Variants in PLA2G4A observed in about 807,000 individuals in gnomAD.
PLA2G4A encodes cytosolic phospholipase A2.
In PLA2G4A, 40 loss-of-function variants were observed where a neutral mutation model predicts 81.9. That is an observed-to-expected ratio of 0.49 (90% CI 0.38 to 0.64). PLA2G4A has a LOEUF of 0.64. Ranked by LOEUF, PLA2G4A falls within the 30% of genes least tolerant of loss-of-function variation. PLA2G4A has a pLI of 0.00. For missense variants in PLA2G4A, 715 were observed against 905.1 expected, an observed-to-expected ratio of 0.79 and a Z score of 2.69; for synonymous variants, 302 against 296.9, an observed-to-expected ratio of 1.02 and a Z score of -0.18.
intron 1 of PLA2G4A, among the ~76,000 whole-genome samples, chr1:186,833,848 G>C (rs2101994831): frequency 1.3e-5 from 2 of 152,274 alleles, no homozygotes; most frequent in African/African-American, 4.8e-5. Flanking sequence ...AATGAGCTTA[G>C]AGAAACTCAG....
chr1:186,883,394 C>T (rs753269907), intron 3 of PLA2G4A, among the ~76,000 whole-genome samples: 11 of 152,064 alleles, frequency 7.2e-5, no homozygotes. Context: ...GCCATTTAAA[C>T]CTTGAAGATA....
In PLA2G4A at chr1:186,950,727, A is replaced by C; in HGVS notation, c.1335A>C (p.Lys445Asn). 6.3e-7 allele frequency: 1 copy of C among 1,576,126 alleles called. No individual in the cohort carries two copies. Among genetic ancestry groups the C allele is most frequent in the Non-Finnish European group, 8.7e-7 (1 of 1,145,702 alleles). Residue 445 changes from lysine to asparagine, a missense_variant and splice_region_variant, in exon 13 of 18, where the codon AAA (lysine) becomes AAC (asparagine). Physicochemically the swap from Lys to Asn is moderately conservative, Grantham distance 94. Coordinates refer to ENST00000367466, the MANE Select transcript of PLA2G4A (RefSeq NM_024420.3). ...SDSDDESHEP[K>N]GTENEDAGSD... ...GTGATGATGAATCACACGAACCCAAAGGTGAGTGAGCCGGAAACTTTTCTG... is the reference window on the plus strand; with the variant it reads ...GTGATGATGAATCACACGAACCCAACGGTGAGTGAGCCGGAAACTTTTCTG...
At chr1:186,834,726 C>T (rs1023400065) in intron 1 of PLA2G4A, among the ~76,000 whole-genome samples, 1 of 151,974 alleles carries the variant, frequency 6.6e-6, no homozygotes, top group African/African-American at 2.4e-5. Flanking sequence ...ACAAAATAAA[C>T]ACATTTCATG....
chr1:186,977,692 G>A lies in PLA2G4A; in HGVS notation c.1864G>A (p.Val622Ile), dbSNP rs775466404. 6.2e-7 allele frequency: 1 copy of A among 1,613,082 alleles called. No homozygotes were observed. Among genetic ancestry groups the A allele is most frequent in the South Asian group, 1.1e-5 (1 of 91,056 alleles). The change falls in exon 16 of 18, where the codon GTC becomes ATC. Residue 622 changes from valine to isoleucine, a missense_variant. Physicochemically the swap from Val to Ile is conservative, Grantham distance 29. Coordinates refer to ENST00000367466, the MANE Select transcript of PLA2G4A (RefSeq NM_024420.3). ...FDREGLKECYVFKPKNPDMEK... is the reference protein window; with the variant it reads ...FDREGLKECYIFKPKNPDMEK... ...TCGGGAAGGGCTGAAGGAGTGCTATGTCTTTAAACCCAAGAATCCTGATAT... is the reference window on the plus strand; with the variant it reads ...TCGGGAAGGGCTGAAGGAGTGCTATATCTTTAAACCCAAGAATCCTGATAT...
At chr1:186,843,493 G>A (rs1305350489) in intron 1 of PLA2G4A, among the ~76,000 whole-genome samples, 1 of 152,220 alleles carries the variant, frequency 6.6e-6, no homozygotes, top group Non-Finnish European at 1.5e-5. Context: ...AATACAGGGA[G>A]AAGACAGAAC....
intron 12 of PLA2G4A, among the ~76,000 whole-genome samples, chr1:186,949,165 T>A (rs1432163723): frequency 6.6e-6 from 1 of 151,988 alleles, no homozygotes; most frequent in Non-Finnish European, 1.5e-5. Context: ...TCAGAATAGT[T>A]AGCTATTCAT....
chr1:186,973,952 G>A (rs1284743402), intron 15 of PLA2G4A, among the ~76,000 whole-genome samples: 7 of 151,960 alleles, frequency 4.6e-5, no homozygotes, highest in Non-Finnish European at 8.8e-5. Context: ...TTTATGTAAT[G>A]AGAAACATTG....
chr1:186,835,987 AC>A (rs1425586131), intron 1 of PLA2G4A, among the ~76,000 whole-genome samples: 7 of 152,014 alleles, frequency 4.6e-5, no homozygotes, highest in African/African-American at 1.7e-4. Flanking sequence ...TTTCCCTCTC[AC>A]CTTTATTACT....
chr1:186,928,743 G>A (rs1379028340), intron 7 of PLA2G4A, among the ~76,000 whole-genome samples: 1 of 152,172 alleles, frequency 6.6e-6, no homozygotes, highest in African/African-American at 2.4e-5. Context: ...TCTTTTGAAA[G>A]GGAGGCAATT....
At chr1:186,858,787 A>G (rs1322416177) in intron 2 of PLA2G4A, among the ~76,000 whole-genome samples, 1 of 152,122 alleles carries the variant, frequency 6.6e-6, no homozygotes, top group African/African-American at 2.4e-5. Flanking sequence ...CTCCAACATC[A>G]GGCTTAGACA....
chr1:186,844,513 T>A (rs931334459), intron 1 of PLA2G4A, among the ~76,000 whole-genome samples: 2 of 152,188 alleles, frequency 1.3e-5, no homozygotes, highest in African/African-American at 2.4e-5. Context: ...TCCAAATGTG[T>A]TCTACTTTTA....
At chr1:186,893,606 T>A (rs1306383770) in intron 4 of PLA2G4A, among the ~76,000 whole-genome samples, 5 of 151,888 alleles carry the variant, frequency 3.3e-5, no homozygotes, top group Non-Finnish European at 7.4e-5. Flanking sequence ...ATGTGAAAAA[T>A]TATTATCTTA....
At chr1:186,884,674 C>T (rs530005307) in intron 3 of PLA2G4A, among the ~76,000 whole-genome samples, 10 of 151,940 alleles carry the variant, frequency 6.6e-5, no homozygotes, top group African/African-American at 2.2e-4. Context: ...CCCAGGAGTT[C>T]GAGACCAGGC....
intron 2 of PLA2G4A, among the ~76,000 whole-genome samples, chr1:186,860,941 A>G (rs1652775154): frequency 6.6e-6 from 1 of 152,160 alleles, no homozygotes; most frequent in African/African-American, 2.4e-5. Flanking sequence ...CATCGTAAGT[A>G]TAGTATAGCT....
chr1:186,883,322 A>T (rs10752982), intron 3 of PLA2G4A, among the ~76,000 whole-genome samples: 143,219 of 152,152 alleles, frequency 0.94, 67,516 homozygotes, highest in East Asian at 1. Flanking sequence ...AACCTCATAT[A>T]TGTCATGTTT....
At chr1:186,916,343 G>C (rs1655136309) in intron 7 of PLA2G4A, among the ~76,000 whole-genome samples, 1 of 152,084 alleles carries the variant, frequency 6.6e-6, no homozygotes. Flanking sequence ...CCTTTCTGAA[G>C]GTGGACTGGA....
At chr1:186,975,960 T>C (rs1229739085) in intron 15 of PLA2G4A, among the ~76,000 whole-genome samples, 1 of 152,212 alleles carries the variant, frequency 6.6e-6, no homozygotes, top group Non-Finnish European at 1.5e-5. Context: ...ACTCCAAATC[T>C]TCAAGGACAG....
At chr1:186,855,866 T>A (rs1327672450) in intron 2 of PLA2G4A, among the ~76,000 whole-genome samples, 1 of 152,102 alleles carries the variant, frequency 6.6e-6, no homozygotes, top group African/African-American at 2.4e-5. Context: ...AGTCTGTGTT[T>A]GCCCCAATAC....
At chr1:186,924,945 G>A (rs1164989557) in intron 7 of PLA2G4A, among the ~76,000 whole-genome samples, 2 of 152,044 alleles carry the variant, frequency 1.3e-5, no homozygotes, top group Non-Finnish European at 2.9e-5. Flanking sequence ...CTACTTGGGA[G>A]GCTGAGGCAG....
Sources: allele counts gnomAD v4.1 joint callset (sites outside exome capture counted in the v4.1 genomes callset), GRCh38; gene constraint gnomAD v4.1.1; transcripts MANE v1.5; gene names NCBI Gene and HGNC (gene_info 2026-07-23, HGNC 2026-07-21).